Variants in DNM3 observed in about 807,000 individuals in gnomAD.
DNM3 encodes the protein dynamin 3.
Under a neutral mutation model 101.6 loss-of-function variants are expected in DNM3, and 47 were observed. That is an observed-to-expected ratio of 0.46 (90% CI 0.37 to 0.59). The LOEUF (loss-of-function observed/expected upper bound fraction) is 0.59, where lower values mean the gene tolerates loss of function less well. Ranked by LOEUF, DNM3 falls within the 20% of genes least tolerant of loss-of-function variation. The pLI is 0.00. For synonymous variants in DNM3, 385 were observed against 387.9 expected (o/e 0.99, Z 0.09); for missense variants, 849 against 1,085.7 (o/e 0.78, Z 3.06).
intron 4 of DNM3, among the ~76,000 whole-genome samples, chr1:171,991,594 A>T (rs1284920069): frequency 3.3e-5 from 5 of 152,144 alleles, no homozygotes; most frequent in Non-Finnish European, 4.4e-5. Flanking sequence ...CTCCAAACCC[A>T]GCCCATTTTG....
intron 1 of DNM3, among the ~76,000 whole-genome samples, chr1:171,914,507 G>T (rs905287260): frequency 1.3e-5 from 2 of 152,046 alleles, no homozygotes; most frequent in Non-Finnish European, 2.9e-5. Flanking sequence ...ATTGGTTCTG[G>T]ATTTTTTTTT....
chr1:172,107,991 CA>C (rs1255564667), intron 13 of DNM3, among the ~76,000 whole-genome samples: 1 of 151,846 alleles, frequency 6.6e-6, no homozygotes, highest in East Asian at 1.9e-4. Context: ...TCAGAGCAGT[CA>C]GGCAGGAGGT....
intron 14 of DNM3, 44 bp from the exon 15 acceptor site, chr1:172,253,526 TCTC>T (rs2062269739): frequency 1.8e-6 from 2 of 1,127,972 alleles, no homozygotes; most frequent in East Asian, 5.2e-5. Flanking sequence ...TCTCCTCTCC[TCTC>T]CTCTCCTCTC....
At position 172,408,294 on chromosome 1, in the gene DNM3, C is replaced by T; in HGVS notation, c.*453C>T. 1.0e-6 allele frequency: 1 copy of T among 987,950 alleles called. No individual in the cohort carries two copies. Among genetic ancestry groups the T allele is most frequent in the Non-Finnish European group, 1.2e-6 (1 of 831,494 alleles). 61.2% of individuals were successfully genotyped at this position (987,950 alleles called of 1,614,324 possible). Reference sequence around the variant, plus strand: ...CTGTTGTCTACCATTAATGCTACTACCTACTCCATAATTGCCTATTTAGCT... The same window carrying T: ...CTGTTGTCTACCATTAATGCTACTATCTACTCCATAATTGCCTATTTAGCT... On this transcript the variant is annotated 3_prime_UTR_variant, in exon 21 of 21. Transcript: ENST00000627582.
At chr1:171,990,533 G>A (rs982418931) in intron 4 of DNM3, among the ~76,000 whole-genome samples, 2 of 152,122 alleles carry the variant, frequency 1.3e-5, no homozygotes, top group African/African-American at 4.8e-5. Flanking sequence ...TATTCAGTGT[G>A]TACACTTTTA....
At chr1:172,058,175 GA>G (rs2050811983) in intron 10 of DNM3, among the ~76,000 whole-genome samples, 2 of 149,528 alleles carry the variant, frequency 1.3e-5, no homozygotes, top group East Asian at 2.0e-4. Flanking sequence ...CCCAATACAG[GA>G]GCACCCAGAT....
intron 14 of DNM3, among the ~76,000 whole-genome samples, chr1:172,193,598 T>A (rs1009634664): frequency 6.6e-6 from 1 of 152,148 alleles, no homozygotes; most frequent in African/African-American, 2.4e-5. Flanking sequence ...GGAGGGTGTA[T>A]GTGTCGAGGA....
At chr1:172,041,889 C>T (rs1209769493) in intron 7 of DNM3, 120 bp from the exon 8 acceptor site, 14 of 1,040,036 alleles carry the variant, frequency 1.3e-5, no homozygotes, top group Non-Finnish European at 1.9e-5. Flanking sequence ...TTAACTCTGC[C>T]AGTAGGTGCC....
At chr1:172,302,365 G>A (rs1401224259) in intron 15 of DNM3, among the ~76,000 whole-genome samples, 3 of 152,226 alleles carry the variant, frequency 2.0e-5, no homozygotes, top group Non-Finnish European at 4.4e-5. Flanking sequence ...CAGAGCAGCT[G>A]GGAAGCTTGA....
intron 1 of DNM3, among the ~76,000 whole-genome samples, chr1:171,895,345 G>T (rs1397021752): frequency 6.6e-6 from 1 of 152,148 alleles, no homozygotes; most frequent in South Asian, 2.1e-4. Context: ...GGTGTGAGAT[G>T]GTATCTCATT....
At chr1:171,942,953 C>T (rs2041917903) in intron 2 of DNM3, among the ~76,000 whole-genome samples, 1 of 151,656 alleles carries the variant, frequency 6.6e-6, no homozygotes, top group African/African-American at 2.4e-5. Context: ...TCTCTACAAA[C>T]AGTCAAAAAT....
chr1:172,027,386 C>T (rs1469122990), intron 4 of DNM3, among the ~76,000 whole-genome samples: 1 of 152,006 alleles, frequency 6.6e-6, no homozygotes, highest in Non-Finnish European at 1.5e-5. Flanking sequence ...AGTTCGAGAC[C>T]AGCCTGGCCA....
At chr1:172,088,824 G>A (rs1362118716) in intron 12 of DNM3, among the ~76,000 whole-genome samples, 1 of 152,162 alleles carries the variant, frequency 6.6e-6, no homozygotes, top group African/African-American at 2.4e-5. Context: ...TTGATAAATG[G>A]TCACACATCA....
At chr1:172,204,362 C>T (rs2060257294) in intron 14 of DNM3, among the ~76,000 whole-genome samples, 2 of 152,198 alleles carry the variant, frequency 1.3e-5, no homozygotes, top group South Asian at 4.1e-4. Context: ...GTGCAGTGCT[C>T]CTAAAATAGC....
chr1:172,255,263 G>A (rs2062350911), intron 15 of DNM3, among the ~76,000 whole-genome samples: 3 of 152,084 alleles, frequency 2.0e-5, no homozygotes, highest in Non-Finnish European at 4.4e-5. Context: ...AGAATAAAAA[G>A]GTTTTCTAGA....
At chr1:172,315,813 T>C (rs1291595066) in intron 16 of DNM3, among the ~76,000 whole-genome samples, 1 of 152,212 alleles carries the variant, frequency 6.6e-6, no homozygotes, top group Non-Finnish European at 1.5e-5. Flanking sequence ...GAAAACATTC[T>C]GCAGGATATT....
chr1:172,201,150 G>T (rs1216508563), intron 14 of DNM3, among the ~76,000 whole-genome samples: 1 of 152,112 alleles, frequency 6.6e-6, no homozygotes, highest in East Asian at 1.9e-4. Context: ...GGTATTTTTG[G>T]TGTTGAAGCT....
intron 1 of DNM3, among the ~76,000 whole-genome samples, chr1:171,865,638 G>A (rs111391172): frequency 5.9e-5 from 9 of 152,096 alleles, no homozygotes; most frequent in African/African-American, 2.2e-4. Context: ...CTAATAATGG[G>A]ATTAAACACA....
chr1:171,904,527 C>T (rs900795800), intron 1 of DNM3, among the ~76,000 whole-genome samples: 2 of 152,102 alleles, frequency 1.3e-5, no homozygotes, highest in Non-Finnish European at 2.9e-5. Context: ...GCACCTAAAG[C>T]CCTTGGGAGA....
Sources: gnomAD v4.1 joint callset for allele counts (sites outside exome capture counted in the v4.1 genomes callset) on GRCh38, gnomAD v4.1.1 for gene constraint, MANE v1.5 for transcripts, NCBI Gene and HGNC (gene_info 2026-07-23, HGNC 2026-07-21) for gene names.